Variants in EEF2K observed in about 807,000 individuals in gnomAD.
The protein encoded by EEF2K is eukaryotic elongation factor 2 kinase.
Under a neutral mutation model 93.8 loss-of-function variants are expected in EEF2K, and 70 were observed. The ratio of observed to expected loss-of-function variants is 0.75; its 90% CI spans 0.62 to 0.91. EEF2K has a LOEUF of 0.91. Among genes scored for constraint, EEF2K ranks in the 40% least tolerant of loss-of-function variants. The pLI is 0.00. For synonymous variants in EEF2K, 376 were observed against 380.8 expected (o/e 0.99, Z 0.15); for missense variants, 935 against 972.9 (o/e 0.96, Z 0.52).
rs377405840 is a variant in EEF2K, at chr16:22,274,739, G to A, written c.1889+989G>A. On this transcript the variant is annotated intron_variant, in intron 16 of 17. Transcript: ENST00000263026. ...CCTCCCGCCTCAGCCTCCTGAGTAGGTGGGACTACAGGCATGTACCACCAC... is the reference window on the plus strand; with the variant it reads ...CCTCCCGCCTCAGCCTCCTGAGTAGATGGGACTACAGGCATGTACCACCAC... 5.3e-5 allele frequency among the ~76,000 whole-genome samples: 8 copies of A among 151,780 alleles called. No individual in the cohort carries two copies. In the East Asian group the frequency reaches 5.8e-4, roughly 11 times the overall value.
intron 2 of EEF2K, among the ~76,000 whole-genome samples, chr16:22,227,266 C>A (rs1263478923): frequency 6.6e-6 from 1 of 152,126 alleles, no homozygotes. Flanking sequence ...CTCTGCTGCC[C>A]AGGCTGGAAT....
intron 15 of EEF2K, among the ~76,000 whole-genome samples, chr16:22,268,255 T>A (rs766056523): frequency 1.3e-5 from 2 of 152,118 alleles, no homozygotes; most frequent in Non-Finnish European, 2.9e-5. Context: ...CTCGGCTCAA[T>A]GCAACCTCCA....
rs55713051 is a variant in EEF2K, at chr16:22,273,745, G to A, written c.1884G>A (p.Pro628=). Residue 628 remains proline (P), a synonymous_variant, in exon 16 of 18, where the codon CCG becomes CCA. Coordinates refer to ENST00000263026, the MANE Select transcript of EEF2K (RefSeq NM_013302.5). ...TTGACTCTGGCCAGAACCTCAGCCCGGACAGGTACTGCAGCTGTCACCCAG... is the reference window on the plus strand; with the variant it reads ...TTGACTCTGGCCAGAACCTCAGCCCAGACAGGTACTGCAGCTGTCACCCAG... ...RAFDSGQNLS[P]DRCQDWLEAL... The A allele has an allele frequency of 8.1e-5, 131 of 1,613,418 alleles. 1 individual carries two copies. The East Asian group carries it at 9.6e-4, about 12-fold the overall frequency.
intron 2 of EEF2K, among the ~76,000 whole-genome samples, chr16:22,236,927 C>T (rs2047173084): frequency 7.0e-6 from 1 of 142,808 alleles, no homozygotes; most frequent in Non-Finnish European, 1.5e-5. Flanking sequence ...GAAATATCCA[C>T]AGACCTCTTT....
chr16:22,273,547 T>G, intron 15 of EEF2K, 79 bp from the exon 16 acceptor site: 3 of 1,563,630 alleles, frequency 1.9e-6, no homozygotes, highest in Non-Finnish European at 2.6e-6. Flanking sequence ...AGGGTGAAGA[T>G]TGAGTAGTGA....
At chr16:22,244,911 G>A (rs1243407120) in intron 3 of EEF2K, among the ~76,000 whole-genome samples, 181 bp downstream of exon 3, 9 of 152,104 alleles carry the variant, frequency 5.9e-5, no homozygotes, top group Non-Finnish European at 5.9e-5. Context: ...AATCCTTCTC[G>A]TGGTTCTCAC....
intron 2 of EEF2K, among the ~76,000 whole-genome samples, chr16:22,236,810 A>AT (rs2047172035): frequency 6.6e-6 from 1 of 151,116 alleles, no homozygotes; most frequent in African/African-American, 2.4e-5. Context: ...TTCCTGGTAT[A>AT]TAATTATTAT....
chr16:22,207,714 C>A (rs2046877049), intron 1 of EEF2K, among the ~76,000 whole-genome samples: 2 of 152,018 alleles, frequency 1.3e-5, no homozygotes, highest in Admixed American at 6.6e-5. Context: ...GAGGAGGAAA[C>A]CGAGGGTCAG....
intron 8 of EEF2K, 59 bp downstream of exon 8, chr16:22,257,444 A>C: frequency 6.3e-7 from 1 of 1,594,706 alleles, no homozygotes; most frequent in Non-Finnish European, 8.5e-7. Flanking sequence ...AAAACCTCTG[A>C]GTTCTTCGTA....
chr16:22,248,926 C>A, intron 4 of EEF2K, 111 bp downstream of exon 4: 1 of 1,073,608 alleles, frequency 9.3e-7, no homozygotes, highest in Non-Finnish European at 1.3e-6. Flanking sequence ...ATTTTTGTAA[C>A]TTCGGGGGAT....
chr16:22,211,772 AAGTCCTTCTGTTTCTCCATTATATCAGC>A (rs1280855799), intron 1 of EEF2K, among the ~76,000 whole-genome samples: 1 of 151,964 alleles, frequency 6.6e-6, no homozygotes, highest in African/African-American at 2.4e-5. Context: ...CACAACCCAA[AAGTCCTTCTGTTTCTCCATTATATCAGC>A]AGGAAACTGC....
At chr16:22,263,786 T>C (rs530608696) in intron 12 of EEF2K, among the ~76,000 whole-genome samples, 1 of 152,116 alleles carries the variant, frequency 6.6e-6, no homozygotes, top group African/African-American at 2.4e-5. Flanking sequence ...TCCTGGGTAA[T>C]AGCTGGACCC....
intron 3 of EEF2K, among the ~76,000 whole-genome samples, chr16:22,248,280 A>C (rs937905864): frequency 6.6e-6 from 1 of 151,964 alleles, no homozygotes. Flanking sequence ...GGTCAGGCTG[A>C]TCTCGAACTC....
chr16:22,250,108 GC>G (rs1355071109), intron 4 of EEF2K, among the ~76,000 whole-genome samples: 2 of 150,996 alleles, frequency 1.3e-5, no homozygotes, highest in East Asian at 3.9e-4. Context: ...GGGAGGTCTT[GC>G]TATGTTGCCC....
chr16:22,283,984 G>T lies in EEF2K; in HGVS notation c.2166G>T (p.Gln722His). 1 of 1,578,110 alleles carries T rather than the reference G, an allele frequency of 6.3e-7. No homozygotes were observed. The highest frequency in any genetic ancestry group is 8.6e-7 in the Non-Finnish European group (1 of 1,161,522). Residue 722 changes from glutamine (Q) to histidine (H), a missense_variant, in exon 18 of 18, where the codon CAG (glutamine) becomes CAT (histidine). Physicochemically the swap from Gln to His is conservative, Grantham distance 24 (BLOSUM62 0). Coordinates refer to ENST00000263026, the MANE Select transcript of EEF2K (RefSeq NM_013302.5). ...YYQKAEEAWA[Q>H]MEE Reference sequence around the variant, plus strand: ...AAAAGGCTGAAGAGGCCTGGGCCCAGATGGAGGAGTAACCAGGAAAATCAC... The same window carrying T: ...AAAAGGCTGAAGAGGCCTGGGCCCATATGGAGGAGTAACCAGGAAAATCAC...
chr16:22,268,531 A>G (rs2047546732), intron 15 of EEF2K, among the ~76,000 whole-genome samples: 1 of 151,860 alleles, frequency 6.6e-6, no homozygotes, highest in African/African-American at 2.4e-5. Context: ...CAGTGGCATG[A>G]CTGTAGCTCA....
intron 15 of EEF2K, among the ~76,000 whole-genome samples, chr16:22,271,517 C>T (rs2047581551): frequency 6.6e-6 from 1 of 151,694 alleles, no homozygotes; most frequent in South Asian, 2.1e-4. Flanking sequence ...AGCAAAACTC[C>T]ATCTCTACAA....
At position 22,256,780 on chromosome 16, in the gene EEF2K, G is replaced by A. The variant is rs2047405164; in HGVS notation, c.651G>A (p.Leu217=). The change falls in exon 7 of 18, where the codon CTG becomes CTA. Residue 217 remains leucine (L), a synonymous_variant. Transcript: ENST00000263026. ...VDIMQMCIIE[L]KDRPGKPLFH... ...TCATGCAGATGTGCATCATCGAGCTGAAGGACAGACCGGGCAAGCCCCTCT... is the reference window on the plus strand; with the variant it reads ...TCATGCAGATGTGCATCATCGAGCTAAAGGACAGACCGGGCAAGCCCCTCT... The A allele has an allele frequency of 1.9e-6, 3 of 1,613,992 alleles. No individual in the cohort carries two copies. The Admixed American group carries it at 5.0e-5, about 27-fold the overall frequency.
chr16:22,259,181 T>A (rs565487002), intron 10 of EEF2K, among the ~76,000 whole-genome samples: 2 of 152,246 alleles, frequency 1.3e-5, no homozygotes, highest in South Asian at 4.2e-4. Context: ...AACAGAATCA[T>A]TATTTCTGAC....
Sources: allele counts gnomAD v4.1 joint callset (sites outside exome capture counted in the v4.1 genomes callset), GRCh38; gene constraint gnomAD v4.1.1; transcripts MANE v1.5; gene names NCBI Gene and HGNC (gene_info 2026-07-23, HGNC 2026-07-21).